The following RGS7 variants were observed in gnomAD, a reference collection of about 807,000 sequenced individuals.
RGS7 encodes the protein regulator of G-protein signaling 7.
Under a neutral mutation model 81.1 loss-of-function variants are expected in RGS7, and 27 were observed. The ratio of observed to expected loss-of-function variants is 0.33; its 90% CI spans 0.25 to 0.46. The LOEUF is 0.46. Among genes scored for constraint, RGS7 ranks in the 20% least tolerant of loss-of-function variants. The pLI, the probability that RGS7 is intolerant of heterozygous loss-of-function variation, is 1.00. For synonymous variants in RGS7, 208 were observed against 207.7 expected, an observed-to-expected ratio of 1.00 and a Z score of -0.01; for missense variants, 396 against 607.4, an observed-to-expected ratio of 0.65 and a Z score of 3.66.
At chr1:240,851,401 T>C (rs1485386430) in intron 9 of RGS7, among the ~76,000 whole-genome samples, 1 of 152,206 alleles carries the variant, frequency 6.6e-6, no homozygotes, top group East Asian at 1.9e-4. Context: ...AAGGATTCCT[T>C]TCAAAATATA....
intron 3 of RGS7, chr1:240,998,511 CT>C: frequency 9.7e-7 from 1 of 1,035,700 alleles, no homozygotes; most frequent in Non-Finnish European, 1.5e-6. Context: ...TTTGCTTCCA[CT>C]TTCTTCTCCT....
chr1:241,074,263 G>A (rs1278324429), intron 3 of RGS7, among the ~76,000 whole-genome samples: 1 of 152,140 alleles, frequency 6.6e-6, no homozygotes, highest in Non-Finnish European at 1.5e-5. Context: ...GCCACCCAAA[G>A]AAATAGAAGT....
chr1:241,352,448 G>A (rs1376279383), intron 2 of RGS7, among the ~76,000 whole-genome samples: 4 of 152,178 alleles, frequency 2.6e-5, no homozygotes, highest in African/African-American at 9.7e-5. Flanking sequence ...ATCTGCTTAT[G>A]AAAAAGACAG....
At chr1:241,255,607 C>T (rs909199735) in intron 2 of RGS7, among the ~76,000 whole-genome samples, 2 of 152,172 alleles carry the variant, frequency 1.3e-5, no homozygotes, top group Non-Finnish European at 2.9e-5. Context: ...AGGGAGCCCA[C>T]CATCCTGGTT....
At chr1:241,217,977 AG>A (rs1263901673) in intron 2 of RGS7, among the ~76,000 whole-genome samples, 18 of 152,372 alleles carry the variant, frequency 1.2e-4, no homozygotes, top group African/African-American at 4.3e-4. Flanking sequence ...ATTAATAAAA[AG>A]ATGGACTCAT....
intron 6 of RGS7, 73 bp downstream of exon 6, chr1:240,930,644 C>A: frequency 7.3e-7 from 1 of 1,364,776 alleles, no homozygotes; most frequent in Non-Finnish European, 1.0e-6. Flanking sequence ...ATGAAAAAAG[C>A]AATAAAACGC....
intron 2 of RGS7, among the ~76,000 whole-genome samples, chr1:241,250,132 G>A (rs2076758444): frequency 6.6e-6 from 1 of 151,910 alleles, no homozygotes; most frequent in Non-Finnish European, 1.5e-5. Flanking sequence ...ACCTTGGGAG[G>A]GCCACAAAGT....
intron 6 of RGS7, among the ~76,000 whole-genome samples, chr1:240,896,291 G>T (rs1357288137): frequency 6.6e-6 from 1 of 152,116 alleles, no homozygotes; most frequent in Non-Finnish European, 1.5e-5. Context: ...AGTTTAATTA[G>T]ATCCCATTTG....
In RGS7 at chr1:241,035,407, A is replaced by G. The variant is rs1056968432; in HGVS notation, c.176-52278T>C. The stretch of plus-strand genomic sequence containing the variant: ...GAGATAATTTCAAGGAAACATCTAT[A>G]GGAATTCGGAGAAGGGAACATCATT... On this transcript the variant is annotated intron_variant, in intron 3 of 18. Transcript: ENST00000440928. Among the ~76,000 whole-genome samples the G allele has an allele frequency of 3.9e-5, 6 of 152,202 alleles. 1 individual carries two copies. Among genetic ancestry groups the G allele is most frequent in the Admixed American group, 2.0e-4 (3 of 15,270 alleles).
At chr1:241,189,576 G>C (rs2072426798) in intron 2 of RGS7, among the ~76,000 whole-genome samples, 1 of 152,128 alleles carries the variant, frequency 6.6e-6, no homozygotes, top group Non-Finnish European at 1.5e-5. Context: ...TCGGTATCAA[G>C]TCTTAGAGCT....
chr1:240,794,171 G>A (rs1970533), intron 18 of RGS7, among the ~76,000 whole-genome samples: 116,865 of 151,826 alleles, frequency 0.77, 45,333 homozygotes, highest in African/African-American at 0.83. Flanking sequence ...GACTCACTCT[G>A]TGGAGCTCTT....
intron 2 of RGS7, among the ~76,000 whole-genome samples, chr1:241,185,911 C>A (rs567293565): frequency 2.1e-4 from 32 of 151,868 alleles, no homozygotes; most frequent in African/African-American, 7.5e-4. Flanking sequence ...TCTTAATAAA[C>A]TAGAGAAAGA....
intron 9 of RGS7, among the ~76,000 whole-genome samples, chr1:240,865,371 C>G (rs554013493): frequency 7.3e-4 from 111 of 152,322 alleles, no homozygotes; most frequent in African/African-American, 2.6e-3. Context: ...TATGCAATAT[C>G]AGGCCCCAGG....
At chr1:240,808,214 G>A (rs1000707386) in intron 14 of RGS7, among the ~76,000 whole-genome samples, 3 of 152,128 alleles carry the variant, frequency 2.0e-5, no homozygotes, top group Non-Finnish European at 4.4e-5. Flanking sequence ...CGTAACACCA[G>A]GAAGTACATG....
chr1:240,925,885 G>T (rs918026007), intron 6 of RGS7, among the ~76,000 whole-genome samples: 4 of 152,102 alleles, frequency 2.6e-5, no homozygotes, highest in Non-Finnish European at 5.9e-5. Context: ...CTGTAATGTT[G>T]AGCATTTTCT....
rs368985466 is a variant in RGS7, at chr1:241,290,234, A to C, written c.78+65465T>G. On this transcript the variant is annotated intron_variant, in intron 2 of 18. Transcript: ENST00000440928. ...TGCTATAGGCAAGATGATCAGGAGGAAAAACAGCAGCAGCTGATGCCAAAA... is the reference window on the plus strand; with the variant it reads ...TGCTATAGGCAAGATGATCAGGAGGCAAAACAGCAGCAGCTGATGCCAAAA... Among the ~76,000 whole-genome samples, 27 of 152,342 alleles carry C rather than the reference A, an allele frequency of 1.8e-4. 1 individual carries two copies. The South Asian group carries it at 5.6e-3, about 32-fold the overall frequency.
chr1:240,845,664 A>G (rs990404189), intron 9 of RGS7, among the ~76,000 whole-genome samples: 3 of 152,204 alleles, frequency 2.0e-5, no homozygotes, highest in South Asian at 2.1e-4. Context: ...ATTGTAAAGA[A>G]TAAGTGGTAT....
chr1:241,217,234 T>A lies in RGS7; in HGVS notation c.79-118472A>T, dbSNP rs753811866. On this transcript the variant is annotated intron_variant, in intron 2 of 18. Coordinates refer to ENST00000440928, the MANE Select transcript of RGS7 (RefSeq NM_001364886.1). The stretch of plus-strand genomic sequence containing the variant: ...GAGGAAAGGCCATGTGAGGATATAG[T>A]GAGCAGGCCACCTGCTATGAGCCAG... Among the ~76,000 whole-genome samples, 24 of 152,114 alleles carry A rather than the reference T, an allele frequency of 1.6e-4. 1 individual carries two copies. Among genetic ancestry groups the A allele is most frequent in the South Asian group, 1.4e-3 (7 of 4,832 alleles).
chr1:241,323,521 G>A (rs1378689670), intron 2 of RGS7, among the ~76,000 whole-genome samples: 1 of 152,182 alleles, frequency 6.6e-6, no homozygotes, highest in Non-Finnish European at 1.5e-5. Context: ...AGTATTAAAG[G>A]ATAAACTGGG....
Sources: allele counts gnomAD v4.1 joint callset (sites outside exome capture counted in the v4.1 genomes callset), GRCh38; gene constraint gnomAD v4.1.1; transcripts MANE v1.5; gene names NCBI Gene and HGNC (gene_info 2026-07-23, HGNC 2026-07-21).